Variants in CELF2 observed in about 807,000 individuals in gnomAD.
CELF2 encodes the protein CUG triplet repeat RNA-binding protein 2.
In CELF2, 8 loss-of-function variants were observed where a neutral mutation model predicts 62.6. The ratio of observed to expected loss-of-function variants is 0.13; its 90% confidence interval spans 0.07 to 0.23. CELF2 has a LOEUF of 0.23. CELF2 is among the 10% of genes least tolerant of loss of function. CELF2 has a pLI of 1.00. For missense variants in CELF2, 333 were observed against 671.0 expected (o/e 0.50, Z 5.56); for synonymous variants, 258 against 250.0 (o/e 1.03, Z -0.30).
In CELF2 at chr10:11,165,027, C is replaced by T; in HGVS notation, c.75-459C>T. The T allele has an allele frequency of 1.0e-6, 1 of 981,678 alleles. No homozygotes were observed. Among genetic ancestry groups the T allele is most frequent in the Non-Finnish European group, 1.2e-6 (1 of 826,194 alleles). 60.8% of individuals were successfully genotyped at this position (981,678 alleles called of 1,614,324 possible). On this transcript the variant is annotated intron_variant, in intron 1 of 12. Coordinates refer to ENST00000633077, the MANE Select transcript of CELF2 (RefSeq NM_001326342.2). This position sits in a 1 kb window ranked among gnomAD's most constrained non-coding sequence, Gnocchi z 7.4. ...CTCTCTCCTCTCTTCCAAAAACCTC[C>T]CAAAAAGGGCGGTGGGGCGGGGGGC...
At chr10:11,263,813 A>G (rs535498851) in intron 5 of CELF2, among the ~76,000 whole-genome samples, 1 of 152,336 alleles carries the variant, frequency 6.6e-6, no homozygotes, top group African/African-American at 2.4e-5. Flanking sequence ...AAATCTATCC[A>G]TAGGACTTAC....
intron 1 of CELF2, among the ~76,000 whole-genome samples, chr10:10,850,289 T>A (rs1179398813): frequency 2.0e-5 from 3 of 152,212 alleles, no homozygotes; most frequent in African/African-American, 7.2e-5. Flanking sequence ...CCCAAACATG[T>A]GGCAGGATTT....
chr10:11,189,398 G>A (rs181588708), intron 2 of CELF2, among the ~76,000 whole-genome samples: 23 of 152,192 alleles, frequency 1.5e-4, no homozygotes, highest in Admixed American at 9.8e-4. Flanking sequence ...AATCCACTCC[G>A]ACAAGCTCTA....
At chr10:10,800,155 C>T (rs1407419481) in intron 1 of CELF2, among the ~76,000 whole-genome samples, 4 of 152,150 alleles carry the variant, frequency 2.6e-5, no homozygotes, top group Non-Finnish European at 5.9e-5. Context: ...ATTGCCAATA[C>T]CCATCTTAAT....
At chr10:11,118,097 T>C (rs538143736) in intron 1 of CELF2, among the ~76,000 whole-genome samples, 2 of 152,274 alleles carry the variant, frequency 1.3e-5, no homozygotes, top group Non-Finnish European at 2.9e-5. Context: ...TGCAGAAGTA[T>C]AAGCATGCCT....
chr10:10,752,915 AT>A, the CELF2 span, among the ~76,000 whole-genome samples: 2 of 151,892 alleles, frequency 1.3e-5, no homozygotes, highest in Non-Finnish European at 2.9e-5. Context: ...TAGTTCAAAT[AT>A]TCACAAACCA....
chr10:10,491,522 C>T, the CELF2 span, among the ~76,000 whole-genome samples: 1 of 152,162 alleles, frequency 6.6e-6, no homozygotes, highest in East Asian at 1.9e-4. Context: ...GGCTCCTGGA[C>T]TGTATAGCTA....
the CELF2 span, among the ~76,000 whole-genome samples, chr10:10,545,315 A>G: frequency 2.6e-5 from 4 of 152,192 alleles, no homozygotes; most frequent in African/African-American, 9.7e-5. Context: ...ATCCCCACTC[A>G]GGTTCCAGCA....
At chr10:10,633,281 C>T in the CELF2 span, among the ~76,000 whole-genome samples, 936 of 152,274 alleles carry the variant, frequency 6.1e-3, 12 homozygotes, top group African/African-American at 0.022. Flanking sequence ...ACAAAGATTT[C>T]ATCAGTTGCA....
In CELF2 at chr10:11,266,045, T is replaced by C. The variant is rs561298076; in HGVS notation, c.539-553T>C. ...TGTATTTGCATAGCAACAATTTATGTTTATACATACATATATATTTTTTAA... is the reference window on the plus strand; with the variant it reads ...TGTATTTGCATAGCAACAATTTATGCTTATACATACATATATATTTTTTAA... On this transcript the variant is annotated intron_variant, in intron 5 of 12. Coordinates refer to ENST00000633077, the MANE Select transcript of CELF2 (RefSeq NM_001326342.2). 7.9e-5 allele frequency among the ~76,000 whole-genome samples: 12 copies of C among 152,364 alleles called. No individual in the cohort carries two copies. In the South Asian group the frequency reaches 2.3e-3, roughly 29 times the overall value.
At chr10:11,014,135 T>A (rs887597498), upstream of CELF2, among the ~76,000 whole-genome samples, 7 of 152,270 alleles carry the variant, frequency 4.6e-5, no homozygotes, top group African/African-American at 1.7e-4. Flanking sequence ...AAAACAGCTA[T>A]GCTAATAAAA....
the CELF2 span, among the ~76,000 whole-genome samples, chr10:10,656,806 G>T: frequency 6.9e-6 from 1 of 145,140 alleles, no homozygotes; most frequent in African/African-American, 2.6e-5. Flanking sequence ...CACCAGCATG[G>T]CACATGTATA....
At chr10:11,108,881 A>G (rs548949819) in intron 1 of CELF2, among the ~76,000 whole-genome samples, 38 of 152,102 alleles carry the variant, frequency 2.5e-4, no homozygotes, top group South Asian at 2.1e-3. Context: ...ACATTTTTCC[A>G]TTGGGTTTCT....
chr10:11,262,523 A>G (rs544264919), intron 5 of CELF2, among the ~76,000 whole-genome samples: 1 of 152,310 alleles, frequency 6.6e-6, no homozygotes, highest in Admixed American at 6.5e-5. Context: ...TGTTCCAAAT[A>G]CAGACTTCCA....
the CELF2 span, among the ~76,000 whole-genome samples, chr10:10,750,305 G>A: frequency 1.3e-5 from 2 of 150,380 alleles, no homozygotes; most frequent in African/African-American, 2.4e-5. Flanking sequence ...AAAAAGAAAA[G>A]CAATGCCACT....
intron 3 of CELF2, among the ~76,000 whole-genome samples, chr10:11,239,309 C>T (rs2072854476): frequency 6.6e-6 from 1 of 152,102 alleles, no homozygotes; most frequent in Admixed American, 6.5e-5. Flanking sequence ...GATTTGGAGC[C>T]TGATAAGCCA....
chr10:11,278,010 A>C (rs2086780306), intron 8 of CELF2, among the ~76,000 whole-genome samples: 1 of 152,280 alleles, frequency 6.6e-6, no homozygotes, highest in African/African-American at 2.4e-5. Flanking sequence ...TTTGTTGTGA[A>C]CAACTCTGAA....
chr10:10,937,681 A>G (rs1174324076), intron 2 of CELF2: 1 of 152,202 alleles, frequency 6.6e-6, no homozygotes, highest in Non-Finnish European at 1.5e-5. Flanking sequence ...TGTGATGAGT[A>G]GCTATAATTG....
chr10:10,507,790 G>T, the CELF2 span, among the ~76,000 whole-genome samples: 1 of 152,106 alleles, frequency 6.6e-6, no homozygotes, highest in East Asian at 1.9e-4. Flanking sequence ...TAGCACTTTT[G>T]GGAGGAAGGT....
Sources: allele counts gnomAD v4.1 joint callset (sites outside exome capture counted in the v4.1 genomes callset), GRCh38; gene constraint gnomAD v4.1.1; non-coding constraint Gnocchi (gnomAD v3.1); transcripts MANE v1.5; gene names NCBI Gene and HGNC (gene_info 2026-07-23, HGNC 2026-07-21).